NRG3: variants seen among roughly 807,000 people sequenced by gnomAD.
NRG3 encodes the protein neuregulin 3, also known as pro-neuregulin-3, membrane-bound isoform.
In NRG3, 31 loss-of-function variants were observed where a neutral mutation model predicts 66.9. That is an observed-to-expected ratio of 0.46 (90% CI 0.35 to 0.63). The LOEUF (loss-of-function observed/expected upper bound fraction) is 0.63, where lower values mean the gene tolerates loss of function less well. Among genes scored for constraint, NRG3 ranks in the 20% least tolerant of loss-of-function variants. NRG3 has a pLI of 0.00. For synonymous variants in NRG3, 393 were observed against 359.4 expected (o/e 1.09, Z -1.06); for missense variants, 910 against 878.9 (o/e 1.04, Z -0.45).
chr10:82,336,744 A>C (rs988397424), intron 1 of NRG3, among the ~76,000 whole-genome samples: 4 of 152,062 alleles, frequency 2.6e-5, no homozygotes, highest in Admixed American at 2.6e-4. Flanking sequence ...GCTAAAGACA[A>C]CCGTTATCTT....
intron 1 of NRG3, among the ~76,000 whole-genome samples, chr10:82,324,673 T>C (rs1323605627): frequency 6.6e-6 from 1 of 152,218 alleles, no homozygotes; most frequent in Non-Finnish European, 1.5e-5. Flanking sequence ...CCTTTCTCCA[T>C]TGGTTAATTA....
chr10:82,486,461 C>T (rs1232793235), intron 2 of NRG3, among the ~76,000 whole-genome samples: 1 of 151,636 alleles, frequency 6.6e-6, no homozygotes, highest in Non-Finnish European at 1.5e-5. Context: ...GTCGCCCAGG[C>T]TGGAGTGCAG....
chr10:82,606,257 C>A (rs2047953666), intron 2 of NRG3, among the ~76,000 whole-genome samples: 1 of 152,032 alleles, frequency 6.6e-6, no homozygotes, highest in Admixed American at 6.6e-5. Context: ...TTTAAAATTT[C>A]TTTTGAGACT....
At chr10:82,620,033 C>T (rs985474829) in intron 2 of NRG3, among the ~76,000 whole-genome samples, 2 of 152,172 alleles carry the variant, frequency 1.3e-5, no homozygotes, top group Non-Finnish European at 2.9e-5. Flanking sequence ...TCATGCTCAA[C>T]CTCTTGTACA....
chr10:81,876,027 C>T lies in NRG3; in HGVS notation c.687C>T (p.Tyr229=), dbSNP rs1841600086. 6.2e-7 allele frequency: 1 copy of T among 1,613,972 alleles called. No homozygotes were observed. The highest frequency in any genetic ancestry group is 8.5e-7 in the Non-Finnish European group (1 of 1,180,014). Residue 229 remains tyrosine, a synonymous_variant, in exon 1 of 9, where the codon TAC becomes TAT. Coordinates refer to ENST00000372141, the MANE Select transcript of NRG3 (RefSeq NM_001010848.4). ...TGCCCTCCTGGCCTACTGCGGCATA[C>T]GCTACCTCCTCCTACCTTCACGATT... ...QAMPSWPTAA[Y]ATSSYLHDST... is the part of the protein sequence containing the mutation.
At chr10:82,773,671 T>G (rs1453587188) in intron 3 of NRG3, among the ~76,000 whole-genome samples, 1 of 152,108 alleles carries the variant, frequency 6.6e-6, no homozygotes, top group African/African-American at 2.4e-5. Flanking sequence ...TTGTTATTAT[T>G]TTATCATCAT....
intron 4 of NRG3, among the ~76,000 whole-genome samples, chr10:82,890,829 A>G (rs1843088330): frequency 6.6e-6 from 1 of 152,158 alleles, no homozygotes; most frequent in Admixed American, 6.5e-5. Flanking sequence ...CCTAGTTTGT[A>G]TATTTTGCCA....
At chr10:82,875,656 C>T (rs959665790) in intron 4 of NRG3, among the ~76,000 whole-genome samples, 1 of 152,162 alleles carries the variant, frequency 6.6e-6, no homozygotes, top group African/African-American at 2.4e-5. Flanking sequence ...ACGTGCCTGG[C>T]CCACTCTCTC....
At chr10:82,234,188 A>C (rs1197089640) in intron 1 of NRG3, among the ~76,000 whole-genome samples, 1 of 152,060 alleles carries the variant, frequency 6.6e-6, no homozygotes, top group African/African-American at 2.4e-5. Context: ...TTCCAACATA[A>C]TTTTTTTCAC....
intron 1 of NRG3, among the ~76,000 whole-genome samples, chr10:81,966,323 T>C (rs886547513): frequency 6.6e-6 from 1 of 150,574 alleles, no homozygotes; most frequent in Non-Finnish European, 1.5e-5. Context: ...ATATAAAATA[T>C]GATATTATGT....
intron 3 of NRG3, among the ~76,000 whole-genome samples, chr10:82,862,984 AT>A (rs1232071658): frequency 6.6e-6 from 1 of 151,970 alleles, no homozygotes; most frequent in Non-Finnish European, 1.5e-5. Context: ...TGCATTACGT[AT>A]TTGTCCTAAT....
chr10:82,401,134 G>A (rs1415837520), intron 2 of NRG3, among the ~76,000 whole-genome samples: 1 of 152,064 alleles, frequency 6.6e-6, no homozygotes, highest in Non-Finnish European at 1.5e-5. Context: ...ATTCCAAATG[G>A]ATAAATGAGG....
intron 2 of NRG3, among the ~76,000 whole-genome samples, chr10:82,427,100 T>G (rs2089498878): frequency 6.6e-6 from 1 of 152,170 alleles, no homozygotes; most frequent in South Asian, 2.1e-4. Context: ...CATTTGTGTG[T>G]TTTGGTATTT....
intron 3 of NRG3, among the ~76,000 whole-genome samples, chr10:82,777,846 G>A (rs2059964550): frequency 6.6e-6 from 1 of 152,194 alleles, no homozygotes; most frequent in Admixed American, 6.5e-5. Context: ...ACCCAGGAAT[G>A]TTGGGGCACG....
In NRG3 at chr10:82,656,086, T is replaced by A. The variant is rs1435786447; in HGVS notation, c.954-82491T>A. Reference sequence around the variant, plus strand: ...AAACTGTTTGCCTCTGGGGAGAGCATCTAATGCAGAAGGCAGGTGCAATTT... The same window carrying A: ...AAACTGTTTGCCTCTGGGGAGAGCAACTAATGCAGAAGGCAGGTGCAATTT... On this transcript the variant is annotated intron_variant, in intron 2 of 8. Transcript: ENST00000372141. Among the ~76,000 whole-genome samples, 3 of 152,180 alleles carry A rather than the reference T, an allele frequency of 2.0e-5. No individual in the cohort carries two copies. In the East Asian group the frequency reaches 5.8e-4, roughly 29 times the overall value.
Position 82,906,954 on chromosome 10 carries a change from AG to A in NRG3, c.1054+41518del, listed in dbSNP as rs538884441. ...AGAATGGCTGTATTAGGTCTTAATT[AG>A]TGATTATAACAGTGGCAAAATAACA... is the stretch of plus-strand genomic sequence containing the variant. On this transcript the variant is annotated intron_variant, in intron 4 of 8. Transcript: ENST00000372141. Among the ~76,000 whole-genome samples, 577 of 152,350 alleles carry A rather than the reference AG, an allele frequency of 3.8e-3. 5 individuals are homozygous for A. The highest frequency in any genetic ancestry group is 0.013 in the African/African-American group (551 of 41,588).
chr10:82,154,264 G>A (rs570954306), intron 1 of NRG3, among the ~76,000 whole-genome samples: 1 of 152,068 alleles, frequency 6.6e-6, no homozygotes, highest in Admixed American at 6.6e-5. Flanking sequence ...TATAAGACAA[G>A]GGTACAATTT....
At chr10:82,729,949 A>T (rs1177530041) in intron 2 of NRG3, among the ~76,000 whole-genome samples, 1 of 152,200 alleles carries the variant, frequency 6.6e-6, no homozygotes, top group African/African-American at 2.4e-5. Flanking sequence ...ATGCAGCACA[A>T]CACCTGGATT....
At chr10:82,922,807 T>G (rs752264356) in intron 4 of NRG3, among the ~76,000 whole-genome samples, 1 of 152,186 alleles carries the variant, frequency 6.6e-6, no homozygotes, top group African/African-American at 2.4e-5. Context: ...ATAGCCAAGT[T>G]GAAATTATCA....
Sources: allele counts gnomAD v4.1 joint callset (sites outside exome capture counted in the v4.1 genomes callset), GRCh38; gene constraint gnomAD v4.1.1; transcripts MANE v1.5; gene names NCBI Gene and HGNC (gene_info 2026-07-23, HGNC 2026-07-21).